TACC1: variants seen among roughly 807,000 people sequenced by gnomAD.
The protein encoded by TACC1 is transforming acidic coiled-coil-containing protein 1.
TACC1 carries 48 observed loss-of-function variants against 84.4 expected under a neutral mutation model. That is an observed-to-expected ratio of 0.57 (90% CI 0.45 to 0.72). The LOEUF (loss-of-function observed/expected upper bound fraction) is 0.72, where lower values mean the gene tolerates loss of function less well. Among genes scored for constraint, TACC1 ranks in the 30% least tolerant of loss-of-function variants. The pLI is 0.00. For missense variants in TACC1, 920 were observed against 973.0 expected (o/e 0.95, Z 0.72); for synonymous variants, 372 against 376.3 (o/e 0.99, Z 0.13).
chr8:38,836,243 A>G lies in TACC1; in HGVS notation c.1795A>G (p.Ser599Gly). The change falls in exon 7 of 13, where the codon AGC becomes GGC. Residue 599 changes from serine (S) to glycine (G), a missense_variant. Ser to Gly is a moderately conservative substitution (Grantham distance 56). This residue lies in a region of TACC1 where 762 missense variants were observed against 747.3 expected (regional missense o/e 1.02). Transcript: ENST00000317827. ...GESPLDGICL[S>G]ESDKTAVLTL... ...GAGCCCCCTGGATGGGATCTGCCTC[A>G]GCGAATCAGACAAGACAGCCGTGCT... is the stretch of plus-strand genomic sequence containing the variant. 6.2e-7 allele frequency: 1 copy of G among 1,612,638 alleles called. No individual in the cohort carries two copies.
chr8:38,819,928 C>G lies in TACC1; in HGVS notation c.684C>G (p.Ser228Arg). ...CAGAGCTTGTGCCCAGCAGAAGAAG[C>G]AAGCTGAGAAAGCCCAAGCCTGTCC... ...SCPELVPSRR[S>R]KLRKPKPVPL... is the part of the protein sequence containing the mutation. Residue 228 changes from serine to arginine, a missense_variant, in exon 3 of 13, where the codon AGC (serine) becomes AGG (arginine). Coordinates refer to ENST00000317827, the MANE Select transcript of TACC1 (RefSeq NM_006283.3). 6.2e-7 allele frequency: 1 copy of G among 1,614,142 alleles called. No homozygotes were observed. Among genetic ancestry groups the G allele is most frequent in the Non-Finnish European group, 8.5e-7 (1 of 1,180,046 alleles).
chr8:38,728,677 A>T (rs757466639), intron 1 of TACC1: 1 of 152,318 alleles, frequency 6.6e-6, no homozygotes, highest in African/African-American at 2.4e-5. Flanking sequence ...AAGAGGTAGG[A>T]AACGGGGGAC....
In TACC1 at chr8:38,851,775, T is replaced by C; in HGVS notation, c.*3752T>C. 1 of 351,546 alleles carries C rather than the reference T, an allele frequency of 2.8e-6. No homozygotes were observed. The highest frequency in any genetic ancestry group is 5.7e-6 in the Non-Finnish European group (1 of 175,560). 21.8% of individuals were successfully genotyped at this position (351,546 alleles called of 1,614,324 possible). On this transcript the variant is annotated 3_prime_UTR_variant, in exon 13 of 13. Coordinates refer to ENST00000317827, the MANE Select transcript of TACC1 (RefSeq NM_006283.3). ...AGCGAGGGATTTTAAAGTAAAGATGTATTTATTCTGAAGAATCTAAAAGAT... is the reference window on the plus strand; with the variant it reads ...AGCGAGGGATTTTAAAGTAAAGATGCATTTATTCTGAAGAATCTAAAAGAT...
Position 38,819,719 on chromosome 8 carries a change from T to C in TACC1, c.475T>C (p.Ser159Pro). ...VRPFSIETKD[S>P]TDISAVLGTK... ...GCCATTTTCAATAGAAACGAAGGATTCCACGGATATCTCGGCAGTCCTCGG... is the reference window on the plus strand; with the variant it reads ...GCCATTTTCAATAGAAACGAAGGATCCCACGGATATCTCGGCAGTCCTCGG... Residue 159 changes from serine (S) to proline (P), a missense_variant, in exon 3 of 13, where the codon TCC (serine) becomes CCC (proline). Physicochemically the swap from Ser to Pro is moderately conservative, Grantham distance 74. Transcript: ENST00000317827. 1.1e-5 allele frequency: 17 copies of C among 1,614,146 alleles called. No individual in the cohort carries two copies. The highest frequency in any genetic ancestry group is 1.4e-5 in the Non-Finnish European group (17 of 1,180,028).
At chr8:38,747,759 T>C (rs1808332465) in intron 3 of TACC1, among the ~76,000 whole-genome samples, 1 of 152,234 alleles carries the variant, frequency 6.6e-6, no homozygotes, top group South Asian at 2.1e-4. Flanking sequence ...TATATGATAC[T>C]GTCATGGTGG....
rs777564949 is a variant in TACC1, at chr8:38,819,744, G to A, written c.500G>A (p.Gly167Glu). The change falls in exon 3 of 13, where the codon GGA becomes GAA. Residue 167 changes from glycine (G) to glutamate (E), a missense_variant. Gly to Glu is a moderately conservative substitution (Grantham distance 98, BLOSUM62 -2). Transcript: ENST00000317827. The stretch of plus-strand genomic sequence containing the variant: ...TCCACGGATATCTCGGCAGTCCTCG[G>A]AACAAAAGCAGCTCATGGCTGTGTA... ...KDSTDISAVL[G>E]TKAAHGCVTA... 8.1e-6 allele frequency: 13 copies of A among 1,614,050 alleles called. No homozygotes were observed. Among genetic ancestry groups the A allele is most frequent in the Non-Finnish European group, 1.1e-5 (13 of 1,180,034 alleles).
At chr8:38,791,681 GTC>G (rs1818693583) in intron 2 of TACC1, among the ~76,000 whole-genome samples, 1 of 152,148 alleles carries the variant, frequency 6.6e-6, no homozygotes, top group African/African-American at 2.4e-5. Flanking sequence ...GGTAAAGATA[GTC>G]TTTCATACTT....
intron 3 of TACC1, among the ~76,000 whole-genome samples, chr8:38,760,211 C>T (rs1043431177): frequency 6.6e-6 from 1 of 152,104 alleles, no homozygotes; most frequent in South Asian, 2.1e-4. Context: ...GAAATATAAA[C>T]AAGCATAGAT....
rs890387268 is a variant in TACC1, at chr8:38,839,374, G to T, written c.1916+828G>T. 9.4e-5 allele frequency: 37 copies of T among 394,690 alleles called. 1 individual carries two copies. Among genetic ancestry groups the T allele is most frequent in the South Asian group, 5.1e-4 (4 of 7,818 alleles). 24.4% of individuals were successfully genotyped at this position (394,690 alleles called of 1,614,324 possible). A position where few individuals can be genotyped will look rare whatever the true frequency, so the allele number is the denominator to read the frequency against. ...AATGACTAAAGATGAAATCAAAGTA[G>T]AGAAGAAAAAAAGGCATAAATAATT... On this transcript the variant is annotated intron_variant, in intron 8 of 12. Coordinates refer to ENST00000317827, the MANE Select transcript of TACC1 (RefSeq NM_006283.3).
At chr8:38,786,640 C>CA (rs1817198704), upstream of TACC1, among the ~76,000 whole-genome samples, 1 of 152,076 alleles carries the variant, frequency 6.6e-6, no homozygotes, top group Non-Finnish European at 1.5e-5. Flanking sequence ...ACTTGGGAAG[C>CA]CTCCCCGAGT....
intron 3 of TACC1, among the ~76,000 whole-genome samples, chr8:38,751,997 G>A (rs557683879): frequency 4.6e-5 from 7 of 152,140 alleles, no homozygotes; most frequent in Admixed American, 2.0e-4. Context: ...GGTTACTTTC[G>A]TTAACCACCA....
At chr8:38,764,426 TAAAAAAA>T (rs71216685) in intron 3 of TACC1, among the ~76,000 whole-genome samples, 5 of 100,986 alleles carry the variant, frequency 5.0e-5, no homozygotes, top group Admixed American at 2.1e-4. Context: ...ATCAATTTGG[TAAAAAAA>T]AAAAAAAAAA....
chr8:38,836,194 T>A lies in TACC1; in HGVS notation c.1746T>A (p.Pro582=). Residue 582 remains proline, a synonymous_variant, in exon 7 of 13, where the codon CCT becomes CCA. Coordinates refer to ENST00000317827, the MANE Select transcript of TACC1 (RefSeq NM_006283.3). ...GLLESSAEKA[P]VSVSCGGESP... is the part of the protein sequence containing the mutation. The stretch of plus-strand genomic sequence containing the variant: ...TGGAGTCCTCTGCAGAGAAGGCCCC[T>A]GTGTCGGTGTCCTGTGGAGGTGAGA... 1 of 1,613,432 alleles carries A rather than the reference T, an allele frequency of 6.2e-7. No individual in the cohort carries two copies. The highest frequency in any genetic ancestry group is 8.5e-7 in the Non-Finnish European group (1 of 1,179,792).
intron 3 of TACC1, among the ~76,000 whole-genome samples, chr8:38,771,862 C>T (rs1813684783): frequency 6.6e-6 from 1 of 152,158 alleles, no homozygotes; most frequent in South Asian, 2.1e-4. Flanking sequence ...CAGCCTCCCT[C>T]CCAAGTAGTG....
chr8:38,755,118 C>T (rs549553059), intron 3 of TACC1, among the ~76,000 whole-genome samples: 384 of 148,622 alleles, frequency 2.6e-3, no homozygotes, highest in South Asian at 0.011. Context: ...CAAGATAGTG[C>T]CACTGCACTC....
chr8:38,832,300 G>A (rs1349963132), intron 6 of TACC1, among the ~76,000 whole-genome samples: 1 of 152,228 alleles, frequency 6.6e-6, no homozygotes, highest in Non-Finnish European at 1.5e-5. Flanking sequence ...CACTGGTGTG[G>A]TGTTGATAGG....
chr8:38,739,537 C>T (rs955187752), intron 1 of TACC1, among the ~76,000 whole-genome samples: 3 of 152,206 alleles, frequency 2.0e-5, no homozygotes, highest in South Asian at 2.1e-4. Context: ...ACACCATTTT[C>T]GGTGCAGTTG....
intron 5 of TACC1, among the ~76,000 whole-genome samples, chr8:38,830,521 C>T (rs1264766280): frequency 6.6e-6 from 1 of 152,206 alleles, no homozygotes; most frequent in African/African-American, 2.4e-5. Context: ...CCCACCTTGG[C>T]CTCCCAAAGT....
At chr8:38,806,742 G>T (rs1339362454) in intron 2 of TACC1, among the ~76,000 whole-genome samples, 2 of 152,148 alleles carry the variant, frequency 1.3e-5, no homozygotes, top group East Asian at 3.9e-4. Context: ...GGAATATGCG[G>T]TTCTCTTCTA....
Sources: allele counts gnomAD v4.1 joint callset (sites outside exome capture counted in the v4.1 genomes callset), GRCh38; gene constraint gnomAD v4.1.1; regional missense constraint gnomAD v4.1.1; transcripts MANE v1.5; gene names NCBI Gene and HGNC (gene_info 2026-07-23, HGNC 2026-07-21).